Variants in ATG2B observed in about 807,000 individuals in gnomAD.
ATG2B encodes the protein autophagy-related protein 2 homolog B.
In ATG2B, 121 loss-of-function variants were observed where a neutral mutation model predicts 241.3. The ratio of observed to expected loss-of-function variants is 0.50; its 90% CI spans 0.43 to 0.58. The LOEUF (loss-of-function observed/expected upper bound fraction) is 0.58, where lower values mean the gene tolerates loss of function less well. ATG2B is among the 20% of genes least tolerant of loss of function. The pLI is 0.00. For synonymous variants in ATG2B, 858 were observed against 876.6 expected (o/e 0.98, Z 0.37); for missense variants, 2,306 against 2,491.6 (o/e 0.93, Z 1.59).
At chr14:96,322,025 CAAGGA>C in intron 18 of ATG2B, 82 bp downstream of exon 18, 5 of 973,150 alleles carry the variant, frequency 5.1e-6, no homozygotes, top group Non-Finnish European at 7.4e-6. Flanking sequence ...AATATTCAGG[CAAGGA>C]AAGGAAAGGG....
chr14:96,327,507 G>A (rs1595314400), intron 14 of ATG2B, among the ~76,000 whole-genome samples: 1 of 151,988 alleles, frequency 6.6e-6, no homozygotes, highest in African/African-American at 2.4e-5. Context: ...ATTTTCAAAA[G>A]TATATCCCAT....
intron 34 of ATG2B, 22 bp downstream of exon 34, chr14:96,301,985 G>A (rs199869930): frequency 3.2e-6 from 5 of 1,563,104 alleles, no homozygotes. Context: ...GTAACGGCAG[G>A]AATCACGCTC....
At chr14:96,295,309 T>C in intron 35 of ATG2B, 142 bp from the exon 36 acceptor site, 1 of 955,976 alleles carries the variant, frequency 1.0e-6, no homozygotes, top group Non-Finnish European at 1.5e-6. Context: ...TGCTTTCACC[T>C]TTTAAATTAT....
intron 1 of ATG2B, among the ~76,000 whole-genome samples, chr14:96,362,099 T>G (rs1888651119): frequency 6.6e-6 from 1 of 152,106 alleles, no homozygotes; most frequent in Non-Finnish European, 1.5e-5. Context: ...AGCCTCTAGA[T>G]GACAAGTAGA....
At chr14:96,340,095 CTATATAGA>C (rs1887975803) in intron 6 of ATG2B, among the ~76,000 whole-genome samples, 7 of 78,468 alleles carry the variant, frequency 8.9e-5, no homozygotes, top group African/African-American at 2.1e-4. Context: ...TGAATATATG[CTATATAGA>C]ATATATGATA....
chr14:96,311,104 T>C lies in ATG2B; in HGVS notation c.4161+13A>G, dbSNP rs2139858597. 2.5e-6 allele frequency: 4 copies of C among 1,598,670 alleles called. No individual in the cohort carries two copies. Among genetic ancestry groups the C allele is most frequent in the East Asian group, 4.5e-5 (2 of 44,478 alleles). Reference sequence around the variant, plus strand: ...CATGGCAGGGACTGGAGGAATCACATTGCTGACTGTACCTTAGACCTTCTT... The same window carrying C: ...CATGGCAGGGACTGGAGGAATCACACTGCTGACTGTACCTTAGACCTTCTT... On this transcript the variant is annotated intron_variant, in intron 28 of 41. Transcript: ENST00000359933.
intron 1 of ATG2B, among the ~76,000 whole-genome samples, chr14:96,351,329 C>T (rs1363802212): frequency 6.6e-6 from 1 of 152,172 alleles, no homozygotes; most frequent in Admixed American, 6.5e-5. Flanking sequence ...TTGCTGGGTA[C>T]AGTGGCTCAT....
chr14:96,316,114 G>C (rs1268589726), intron 21 of ATG2B, among the ~76,000 whole-genome samples: 2 of 152,190 alleles, frequency 1.3e-5, no homozygotes, highest in Non-Finnish European at 2.9e-5. Flanking sequence ...CCATTTATAA[G>C]AAACTTCTGA....
chr14:96,341,701 C>A lies in ATG2B; in HGVS notation c.745G>T (p.Glu249Ter). ...SSPVCSTAPV[E>*]TEPKLSPSWN... is the part of the protein sequence containing the mutation. ...CTAGGTGAGAGCTTTGGCTCAGTTT[C>A]CTACAATAAAGTGACAAAAATAATT... The change falls in exon 6 of 42, where the codon GAA (glutamate) becomes TAA (stop). Residue 249 changes from glutamate (E) to a stop codon, truncating the protein, a stop_gained and splice_region_variant. Transcript: ENST00000359933. LOFTEE classifies it high-confidence loss of function. The A allele has an allele frequency of 6.5e-7, 1 of 1,541,816 alleles. No homozygotes were observed. The highest frequency in any genetic ancestry group is 1.3e-5 in the South Asian group (1 of 75,792).
At chr14:96,297,624 C>G (rs1019096335) in intron 34 of ATG2B, among the ~76,000 whole-genome samples, 1 of 152,080 alleles carries the variant, frequency 6.6e-6, no homozygotes, top group African/African-American at 2.4e-5. Context: ...GTCTCGAACC[C>G]CTGACCTCGT....
Position 96,297,319 on chromosome 14 carries a change from T to G in ATG2B, c.5140-1759A>C, listed in dbSNP as rs1229386751. 2.6e-5 allele frequency among the ~76,000 whole-genome samples: 4 copies of G among 151,384 alleles called. No individual in the cohort carries two copies. In the East Asian group the frequency reaches 7.8e-4, roughly 29 times the overall value. ...AAAAAAAAAAAAGGGAGACTAAAGA[T>G]ACAATGGTTTCTACTCATTTTTCAC... On this transcript the variant is annotated intron_variant, in intron 34 of 41. Transcript: ENST00000359933.
chr14:96,282,700 G>A lies in ATG2B; in HGVS notation c.*3055C>T, dbSNP rs1886231562. On this transcript the variant is annotated 3_prime_UTR_variant, in exon 42 of 42. Coordinates refer to ENST00000359933, the MANE Select transcript of ATG2B (RefSeq NM_018036.7). ...TGCCTTTGGACAAACAGCCTCTGCAGGGGCAGACACAGTTGTCTGGACTCT... is the reference window on the plus strand; with the variant it reads ...TGCCTTTGGACAAACAGCCTCTGCAAGGGCAGACACAGTTGTCTGGACTCT... The A allele has an allele frequency of 6.6e-6, 1 of 152,244 alleles. No individual in the cohort carries two copies. The highest frequency in any genetic ancestry group is 1.5e-5 in the Non-Finnish European group (1 of 68,046). The allele number at this position is 152,244 out of a possible 1,614,324, so 9.4% of individuals were successfully genotyped here. A position where few individuals can be genotyped will look rare whatever the true frequency, so the allele number is the denominator to read the frequency against.
intron 17 of ATG2B, 28 bp downstream of exon 17, chr14:96,322,512 T>C: frequency 6.3e-7 from 1 of 1,583,828 alleles, no homozygotes; most frequent in Non-Finnish European, 8.6e-7. Context: ...AATAGTATTA[T>C]TCCTTTGTAG....
At chr14:96,338,480 G>A (rs968402739) in intron 6 of ATG2B, among the ~76,000 whole-genome samples, 1 of 151,962 alleles carries the variant, frequency 6.6e-6, no homozygotes, top group Non-Finnish European at 1.5e-5. Flanking sequence ...CTATTTTGTT[G>A]AGAGTTTTTA....
intron 1 of ATG2B, among the ~76,000 whole-genome samples, chr14:96,359,895 T>C (rs1047829295): frequency 1.3e-5 from 2 of 152,228 alleles, no homozygotes; most frequent in Admixed American, 1.3e-4. Context: ...AAAGTTGTAC[T>C]TATATTTAAT....
chr14:96,308,466 T>G (rs1188583042), intron 29 of ATG2B, among the ~76,000 whole-genome samples: 1 of 143,658 alleles, frequency 7.0e-6, no homozygotes, highest in Non-Finnish European at 1.5e-5. Flanking sequence ...CTAGCTTTTT[T>G]TTTTTTTTTT....
In ATG2B at chr14:96,289,530, G is replaced by T; in HGVS notation, c.6006+126C>A. The T allele has an allele frequency of 1.8e-6, 2 of 1,138,216 alleles. No homozygotes were observed. The highest frequency in any genetic ancestry group is 1.5e-5 in the South Asian group (1 of 67,158). The allele number at this position is 1,138,216 out of a possible 1,614,324, so 70.5% of individuals were successfully genotyped here. Reference sequence around the variant, plus strand: ...ACACAGATATGGGCACATGTTATTAGTGGCAGTTGCCATTCTGCTCCCAGG... The same window carrying T: ...ACACAGATATGGGCACATGTTATTATTGGCAGTTGCCATTCTGCTCCCAGG... On this transcript the variant is annotated intron_variant, in intron 41 of 41. Coordinates refer to ENST00000359933, the MANE Select transcript of ATG2B (RefSeq NM_018036.7). The surrounding 1 kb of genome is among the most constrained non-coding windows in gnomAD (Gnocchi z 4.3).
In ATG2B at chr14:96,363,308, TTTG is replaced by T; in HGVS notation, c.-335_-333del. 1 of 266,878 alleles carries T rather than the reference TTTG, an allele frequency of 3.7e-6. No individual in the cohort carries two copies. The highest frequency in any genetic ancestry group is 3.8e-5 in the South Asian group (1 of 26,570). 16.5% of individuals were successfully genotyped at this position (266,878 alleles called of 1,614,324 possible). A position where few individuals can be genotyped will look rare whatever the true frequency, so the allele number is the denominator to read the frequency against. ...ACCGCCACTGCCGCCGCGCGACGAA[TTTG>T]TTGTCATCCGCGAGGCGCGTTCCCG... On this transcript the variant is annotated 5_prime_UTR_variant, in exon 1 of 42. Transcript: ENST00000359933.
In ATG2B at chr14:96,309,594, C is replaced by T; in HGVS notation, c.4162G>A (p.Val1388Ile). 6.3e-7 allele frequency: 1 copy of T among 1,597,802 alleles called. No homozygotes were observed. The highest frequency in any genetic ancestry group is 8.5e-7 in the Non-Finnish European group (1 of 1,172,302). Residue 1388 changes from valine to isoleucine, a missense_variant and splice_region_variant, in exon 29 of 42, where the codon GTA becomes ATA. Physicochemically the swap from Val to Ile is conservative, Grantham distance 29. Transcript: ENST00000359933. ...KPGAFQRRSK[V>I]DSSGRSSSRG... ...GAGGATGATCGACCACTGGAATCTA[C>T]CTATAGCCAAAAAACCTAATTAAAA... is the stretch of plus-strand genomic sequence containing the variant.
Sources: allele counts gnomAD v4.1 joint callset (sites outside exome capture counted in the v4.1 genomes callset), GRCh38; gene constraint gnomAD v4.1.1; non-coding constraint Gnocchi (gnomAD v3.1); transcripts MANE v1.5; gene names NCBI Gene and HGNC (gene_info 2026-07-23, HGNC 2026-07-21).